Variants in HS3ST4 observed in about 807,000 individuals in gnomAD.
HS3ST4 encodes the protein heparan sulfate-glucosamine 3-sulfotransferase 4, also known as heparan sulfate glucosamine 3-O-sulfotransferase 4.
A neutral mutation model predicts 29.2 loss-of-function variants in HS3ST4; 17 were observed. The ratio of observed to expected loss-of-function variants is 0.58; its 90% CI spans 0.40 to 0.87. HS3ST4 has a LOEUF of 0.87. Ranked by LOEUF, HS3ST4 falls within the 40% of genes least tolerant of loss-of-function variation. HS3ST4 has a pLI of 0.00. For missense variants in HS3ST4, 627 were observed against 634.5 expected (o/e 0.99, Z 0.13); for synonymous variants, 314 against 285.7 (o/e 1.10, Z -1.00).
intron 1 of HS3ST4, among the ~76,000 whole-genome samples, chr16:26,053,957 G>A (rs1898376087): frequency 6.6e-6 from 1 of 152,106 alleles, no homozygotes; most frequent in Admixed American, 6.6e-5. Context: ...TCTACACCAG[G>A]GGAGGCTCCC....
intron 1 of HS3ST4, among the ~76,000 whole-genome samples, chr16:26,070,397 C>G (rs1311221017): frequency 6.6e-6 from 1 of 152,134 alleles, no homozygotes; most frequent in Non-Finnish European, 1.5e-5. Flanking sequence ...GTGGCCAGCT[C>G]CCAGCTGCAG....
chr16:26,007,678 A>G (rs1195245110), intron 1 of HS3ST4, among the ~76,000 whole-genome samples: 1 of 152,178 alleles, frequency 6.6e-6, no homozygotes, highest in Non-Finnish European at 1.5e-5. Flanking sequence ...TTGTGCTTTC[A>G]GGCATTGAAG....
chr16:25,980,235 C>T (rs908672650), intron 1 of HS3ST4, among the ~76,000 whole-genome samples: 4 of 152,192 alleles, frequency 2.6e-5, no homozygotes, highest in African/African-American at 9.7e-5. Context: ...TCATTCCTAA[C>T]ATGTACTGTG....
intron 1 of HS3ST4, among the ~76,000 whole-genome samples, chr16:25,926,668 G>A (rs759999241): frequency 3.3e-5 from 5 of 152,126 alleles, no homozygotes; most frequent in Non-Finnish European, 5.9e-5. Context: ...ATTTATGATT[G>A]GCATTTATAG....
At chr16:25,961,495 T>G (rs1471828447) in intron 1 of HS3ST4, among the ~76,000 whole-genome samples, 3 of 152,220 alleles carry the variant, frequency 2.0e-5, no homozygotes, top group African/African-American at 7.2e-5. Flanking sequence ...GAGCACTTAC[T>G]TGGTGCCCTA....
chr16:25,927,802 G>A (rs1596616730), intron 1 of HS3ST4, among the ~76,000 whole-genome samples: 3 of 151,966 alleles, frequency 2.0e-5, no homozygotes, highest in East Asian at 3.9e-4. Context: ...AATTCAGAAA[G>A]TGGCTATTGA....
chr16:25,949,589 G>A (rs1165085754), intron 1 of HS3ST4, among the ~76,000 whole-genome samples: 1 of 152,174 alleles, frequency 6.6e-6, no homozygotes, highest in Non-Finnish European at 1.5e-5. Context: ...CTTCAGTGTA[G>A]AATTAGGCTC....
intron 1 of HS3ST4, among the ~76,000 whole-genome samples, chr16:26,079,635 T>G (rs2141781668): frequency 6.6e-6 from 1 of 152,344 alleles, no homozygotes; most frequent in African/African-American, 2.4e-5. Flanking sequence ...GTTAAGTAAT[T>G]GTCCAAAATT....
At chr16:25,977,037 C>T (rs1382219726) in intron 1 of HS3ST4, among the ~76,000 whole-genome samples, 2 of 152,120 alleles carry the variant, frequency 1.3e-5, no homozygotes, top group East Asian at 1.9e-4. Context: ...TTTGTGGACC[C>T]CTCACCCAAT....
At chr16:25,791,435 G>A (rs1966868898) in intron 1 of HS3ST4, among the ~76,000 whole-genome samples, 1 of 151,966 alleles carries the variant, frequency 6.6e-6, no homozygotes, top group Non-Finnish European at 1.5e-5. Context: ...ACAAAATATT[G>A]GCTTTTGATT....
intron 1 of HS3ST4, among the ~76,000 whole-genome samples, chr16:25,764,328 T>C (rs900652702): frequency 2.0e-5 from 3 of 152,192 alleles, no homozygotes; most frequent in African/African-American, 7.2e-5. Context: ...GACACATTTA[T>C]CAATGTCTTT....
At chr16:25,954,430 A>C (rs1968709100) in intron 1 of HS3ST4, among the ~76,000 whole-genome samples, 2 of 151,978 alleles carry the variant, frequency 1.3e-5, no homozygotes, top group Admixed American at 1.3e-4. Flanking sequence ...CACACTGACC[A>C]CTCCTTAATA....
At chr16:25,883,039 T>C (rs532510453) in intron 1 of HS3ST4, among the ~76,000 whole-genome samples, 5 of 152,214 alleles carry the variant, frequency 3.3e-5, no homozygotes, top group African/African-American at 1.2e-4. Context: ...CTCCTCTCTG[T>C]ATTTTTATTA....
intron 1 of HS3ST4, among the ~76,000 whole-genome samples, chr16:25,982,359 A>T (rs1313643540): frequency 6.6e-6 from 1 of 152,200 alleles, no homozygotes; most frequent in Non-Finnish European, 1.5e-5. Context: ...GTTTGTTAAA[A>T]TGCCTTGAGT....
At chr16:25,979,510 G>C (rs1167994933) in intron 1 of HS3ST4, among the ~76,000 whole-genome samples, 2 of 152,184 alleles carry the variant, frequency 1.3e-5, no homozygotes, top group Non-Finnish European at 2.9e-5. Flanking sequence ...AAGGGATCTA[G>C]GTTACAGGCT....
chr16:26,115,730 G>A (rs1288462177), intron 1 of HS3ST4, among the ~76,000 whole-genome samples: 1 of 152,014 alleles, frequency 6.6e-6, no homozygotes, highest in Non-Finnish European at 1.5e-5. Flanking sequence ...GCTGAGCTCT[G>A]GAATGGGACA....
chr16:25,875,053 A>G (rs2141661524), intron 1 of HS3ST4, among the ~76,000 whole-genome samples: 1 of 152,294 alleles, frequency 6.6e-6, no homozygotes, highest in East Asian at 1.9e-4. Flanking sequence ...CTGGTTTATT[A>G]TCACTGAATA....
intron 1 of HS3ST4, among the ~76,000 whole-genome samples, chr16:25,762,946 C>T (rs1373099077): frequency 1.3e-5 from 2 of 151,276 alleles, no homozygotes; most frequent in Non-Finnish European, 2.9e-5. Context: ...GTGCCCAGGC[C>T]CAGGCACAGA....
intron 1 of HS3ST4, among the ~76,000 whole-genome samples, chr16:26,105,638 C>G (rs1056841162): frequency 2.6e-5 from 4 of 152,214 alleles, no homozygotes; most frequent in Admixed American, 2.0e-4. Flanking sequence ...CTCTTCTGCC[C>G]TCATCTCTGC....
Sources: allele counts gnomAD v4.1 joint callset (sites outside exome capture counted in the v4.1 genomes callset), GRCh38; gene constraint gnomAD v4.1.1; transcripts MANE v1.5; gene names NCBI Gene and HGNC (gene_info 2026-07-23, HGNC 2026-07-21).